SFMBT2: variants seen among roughly 807,000 people sequenced by gnomAD.
The protein encoded by SFMBT2 is scm-like with four MBT domains protein 2.
A neutral mutation model predicts 110.1 loss-of-function variants in SFMBT2; 38 were observed. That is an observed-to-expected ratio of 0.35 (90% CI 0.27 to 0.45). The LOEUF (loss-of-function observed/expected upper bound fraction) is 0.45. SFMBT2 is among the 20% of genes least tolerant of loss of function. The pLI is 1.00. For synonymous variants in SFMBT2, 425 were observed against 425.4 expected (o/e 1.00, Z 0.01); for missense variants, 1,011 against 1,094.9 (o/e 0.92, Z 1.08).
intron 17 of SFMBT2, among the ~76,000 whole-genome samples, chr10:7,174,664 C>T (rs1392292416): frequency 6.6e-6 from 1 of 152,210 alleles, no homozygotes; most frequent in South Asian, 2.1e-4. Flanking sequence ...CCTGGAAGAA[C>T]ACAGAAGCCC....
chr10:7,348,235 G>A lies in SFMBT2; in HGVS notation c.436+19414C>T, dbSNP rs572570792. On this transcript the variant is annotated intron_variant, in intron 4 of 20. Transcript: ENST00000397167. Reference sequence around the variant, plus strand: ...GGTGGGAGAGGTTCGTGTGGGATCGGGGAGTTGTTTCATTTCGTGACGGTC... The same window carrying A: ...GGTGGGAGAGGTTCGTGTGGGATCGAGGAGTTGTTTCATTTCGTGACGGTC... The A allele has an allele frequency of 1.3e-5, 19 of 1,459,042 alleles. No homozygotes were observed. The East Asian group carries it at 4.9e-4, about 38-fold the overall frequency. 90.4% of individuals were successfully genotyped at this position (1,459,042 alleles called of 1,614,324 possible). A position where few individuals can be genotyped will look rare whatever the true frequency, so the allele number is the denominator to read the frequency against.
chr10:7,293,611 T>A lies in SFMBT2; in HGVS notation c.437-7657A>T, dbSNP rs1284649866. On this transcript the variant is annotated intron_variant, in intron 4 of 20. Coordinates refer to ENST00000397167, the MANE Select transcript of SFMBT2 (RefSeq NM_001387889.1). This position sits in a 1 kb window ranked among gnomAD's most constrained non-coding sequence, Gnocchi z 4.6. ...GTCGTTAAGATCATTAAGATGACTA[T>A]GAGATACTGCATCACAGCTAGACTG... is the stretch of plus-strand genomic sequence containing the variant. Among the ~76,000 whole-genome samples, 1 of 152,108 alleles carries A rather than the reference T, an allele frequency of 6.6e-6. No individual in the cohort carries two copies. The highest frequency in any genetic ancestry group is 6.5e-5 in the Admixed American group (1 of 15,278).
chr10:7,213,878 G>A (rs1385642683), intron 11 of SFMBT2, among the ~76,000 whole-genome samples: 1 of 152,228 alleles, frequency 6.6e-6, no homozygotes, highest in Non-Finnish European at 1.5e-5. Flanking sequence ...AAGCCACAGA[G>A]AAAGACGAGG....
chr10:7,230,876 G>A (rs1840096892), intron 9 of SFMBT2, among the ~76,000 whole-genome samples: 1 of 152,090 alleles, frequency 6.6e-6, no homozygotes, highest in Non-Finnish European at 1.5e-5. Context: ...AGATTGCTGT[G>A]AGCCAACATC....
intron 4 of SFMBT2, among the ~76,000 whole-genome samples, chr10:7,315,100 G>GAAAGAAAT (rs1842969963): frequency 6.9e-6 from 1 of 144,706 alleles, no homozygotes; most frequent in South Asian, 2.2e-4. Flanking sequence ...AAGAAAGAAA[G>GAAAGAAAT]AAAGAAAGAA....
At chr10:7,230,077 G>A (rs1290641390) in intron 9 of SFMBT2, among the ~76,000 whole-genome samples, 1 of 151,898 alleles carries the variant, frequency 6.6e-6, no homozygotes, top group African/African-American at 2.4e-5. Flanking sequence ...AAGCAGCTGT[G>A]CTTCTTGGGT....
In SFMBT2 at chr10:7,283,143, AAAAC is replaced by A. The variant is rs1462414177; in HGVS notation, c.772+757_772+760del. On this transcript the variant is annotated intron_variant, in intron 6 of 20. Transcript: ENST00000397167. ...AAACATGCAGCATTTTTTTAGAATC[AAAAC>A]AAACAATGTACCAGATGTAAAATCA... is the stretch of plus-strand genomic sequence containing the variant. 1.3e-4 allele frequency among the ~76,000 whole-genome samples: 20 copies of A among 152,358 alleles called. No homozygotes were observed. The East Asian group carries it at 3.3e-3, about 25-fold the overall frequency.
chr10:7,220,364 A>G, intron 11 of SFMBT2, 47 bp downstream of exon 11: 2 of 1,581,924 alleles, frequency 1.3e-6, no homozygotes, highest in Non-Finnish European at 1.7e-6. Context: ...CCATTTCGAC[A>G]AACTCTACAT....
rs1035705597 is a variant in SFMBT2 at position 7,239,895 on chromosome 10, A to T, written c.1120+3663T>A. ...TCTTAAGTCTGGGGTTTTTAACCCG[A>T]CACCCCTGCACCCCTGCACCCCTGC... On this transcript the variant is annotated intron_variant, in intron 9 of 20. Coordinates refer to ENST00000397167, the MANE Select transcript of SFMBT2 (RefSeq NM_001387889.1). 1.2e-4 allele frequency among the ~76,000 whole-genome samples: 19 copies of T among 152,082 alleles called. No individual in the cohort carries two copies. The South Asian group carries it at 3.3e-3, about 27-fold the overall frequency.
rs371062269 is a variant in SFMBT2 at position 7,304,168 on chromosome 10, T to G, written c.437-18214A>C. Among the ~76,000 whole-genome samples, 14 of 152,226 alleles carry G rather than the reference T, an allele frequency of 9.2e-5. No individual in the cohort carries two copies. In the South Asian group the frequency reaches 2.5e-3, roughly 27 times the overall value. On this transcript the variant is annotated intron_variant, in intron 4 of 20. Transcript: ENST00000397167. ...TTGAACTGTAGCTCCCACAATTCACTTGTGTCTTGGGAGGGACCCACTGGG... is the reference window on the plus strand; with the variant it reads ...TTGAACTGTAGCTCCCACAATTCACGTGTGTCTTGGGAGGGACCCACTGGG...
At chr10:7,236,301 T>C (rs1007370341) in intron 9 of SFMBT2, among the ~76,000 whole-genome samples, 9 of 152,110 alleles carry the variant, frequency 5.9e-5, no homozygotes, top group Non-Finnish European at 1.3e-4. Flanking sequence ...TACAAACCAA[T>C]GCTAAAATTA....
At chr10:7,396,684 T>C (rs1231817797) in intron 1 of SFMBT2, among the ~76,000 whole-genome samples, 1 of 152,072 alleles carries the variant, frequency 6.6e-6, no homozygotes, top group Non-Finnish European at 1.5e-5. Context: ...AAAACTATCA[T>C]TGTGCATATA....
intron 9 of SFMBT2, among the ~76,000 whole-genome samples, chr10:7,236,538 A>G (rs940548741): frequency 6.6e-6 from 1 of 152,234 alleles, no homozygotes; most frequent in African/African-American, 2.4e-5. Flanking sequence ...AAGAGGAAAC[A>G]GCAGACCATT....
chr10:7,180,164 C>G (rs1838202863), intron 16 of SFMBT2, among the ~76,000 whole-genome samples: 2 of 150,702 alleles, frequency 1.3e-5, no homozygotes, highest in Admixed American at 6.6e-5. Flanking sequence ...ACTTAGTCAT[C>G]CAGGCCAGAG....
intron 3 of SFMBT2, among the ~76,000 whole-genome samples, chr10:7,368,853 C>T (rs1307185302): frequency 6.6e-6 from 1 of 152,162 alleles, no homozygotes; most frequent in Non-Finnish European, 1.5e-5. Flanking sequence ...TAATATTTAG[C>T]TCTTGGTTTT....
chr10:7,280,373 C>T (rs1185742753), intron 6 of SFMBT2, among the ~76,000 whole-genome samples: 1 of 149,640 alleles, frequency 6.7e-6, no homozygotes, highest in Non-Finnish European at 1.5e-5. Context: ...AGATCTAAAA[C>T]AAGCACTAAA....
chr10:7,323,632 A>G (rs1843274969), intron 4 of SFMBT2, among the ~76,000 whole-genome samples: 2 of 152,106 alleles, frequency 1.3e-5, no homozygotes, highest in Admixed American at 1.3e-4. Flanking sequence ...ATAAAGCCCC[A>G]CAGGTGCTGT....
chr10:7,220,332 G>T lies in SFMBT2; in HGVS notation c.1330+79C>A, dbSNP rs986923056. 9.2e-6 allele frequency: 11 copies of T among 1,190,190 alleles called. No homozygotes were observed. In the African/African-American group the frequency reaches 1.4e-4, roughly 15 times the overall value. The allele number at this position is 1,190,190 out of a possible 1,614,324, so 73.7% of individuals were successfully genotyped here. ...GAGAAGTAAGGCCCCTTCTGAGAAGGGCTGCTTTCCTCCACACGTTGCCAT... is the reference window on the plus strand; with the variant it reads ...GAGAAGTAAGGCCCCTTCTGAGAAGTGCTGCTTTCCTCCACACGTTGCCAT... On this transcript the variant is annotated intron_variant, in intron 11 of 20. Coordinates refer to ENST00000397167, the MANE Select transcript of SFMBT2 (RefSeq NM_001387889.1).
intron 4 of SFMBT2, among the ~76,000 whole-genome samples, chr10:7,353,599 G>A (rs1365156864): frequency 6.6e-6 from 1 of 151,854 alleles, no homozygotes; most frequent in East Asian, 1.9e-4. Flanking sequence ...CCCCATACAA[G>A]AATCTTGAAG....
Sources: gnomAD v4.1 joint callset for allele counts (sites outside exome capture counted in the v4.1 genomes callset) on GRCh38, gnomAD v4.1.1 for gene constraint, Gnocchi (gnomAD v3.1) non-coding constraint, MANE v1.5 for transcripts, NCBI Gene and HGNC (gene_info 2026-07-23, HGNC 2026-07-21) for gene names.